LRRC28: variants seen among roughly 807,000 people sequenced by gnomAD.
The protein encoded by LRRC28 is leucine rich repeat containing 28.
LRRC28 carries 39 observed loss-of-function variants against 45.7 expected under a neutral mutation model. The ratio of observed to expected loss-of-function variants is 0.85; its 90% CI spans 0.66 to 1.12. The LOEUF (loss-of-function observed/expected upper bound fraction) is 1.12, where lower values mean the gene tolerates loss of function less well. Among genes scored for constraint, LRRC28 ranks in the 50% most tolerant of loss-of-function variants. The probability of loss-of-function intolerance (pLI) is 0.00; values close to 1 mark genes in which losing one functional copy is unlikely to be tolerated. For missense variants in LRRC28, 435 were observed against 438.5 expected, an observed-to-expected ratio of 0.99 and a Z score of 0.07; for synonymous variants, 206 against 178.8, an observed-to-expected ratio of 1.15 and a Z score of -1.22.
intron 5 of LRRC28, among the ~76,000 whole-genome samples, chr15:99,289,903 G>A (rs1197034918): frequency 6.4e-5 from 8 of 124,194 alleles, no homozygotes; most frequent in South Asian, 2.8e-4. Context: ...ACTGCAGTCC[G>A]CAGTCCGGCC....
At chr15:99,259,601 A>T in intron 2 of LRRC28, 1 of 1,496,396 alleles carries the variant, frequency 6.7e-7, no homozygotes, top group East Asian at 2.3e-5. Flanking sequence ...GAGAATCATG[A>T]AAGCACAAGC....
At chr15:99,353,863 A>G (rs1289904288) in intron 7 of LRRC28, 2 of 152,210 alleles carry the variant, frequency 1.3e-5, no homozygotes, top group Admixed American at 1.3e-4. Context: ...TGACTACTAG[A>G]AAGTTCTGTT....
In LRRC28 at chr15:99,287,690, A is replaced by G. The variant is rs529033145; in HGVS notation, c.248-124A>G. On this transcript the variant is annotated intron_variant, in intron 4 of 9. Transcript: ENST00000301981. ...ACTTAGTTTGATCTGTGTTTTTACTATTTTGTGAGCAACTGAGACAAGGAA... is the reference window on the plus strand; with the variant it reads ...ACTTAGTTTGATCTGTGTTTTTACTGTTTTGTGAGCAACTGAGACAAGGAA... 5.9e-6 allele frequency: 6 copies of G among 1,024,506 alleles called. No homozygotes were observed. The African/African-American group carries it at 6.5e-5, about 11-fold the overall frequency. The allele number at this position is 1,024,506 out of a possible 1,614,324, so 63.5% of individuals were successfully genotyped here.
chr15:99,289,939 C>CA (rs398028517), intron 5 of LRRC28, among the ~76,000 whole-genome samples: 27,623 of 49,648 alleles, frequency 0.56, 8,109 homozygotes, highest in African/African-American at 0.58. Flanking sequence ...GACTCCGTCT[C>CA]AAAAAAAAAA....
chr15:99,292,986 C>A (rs2082165943), intron 5 of LRRC28, among the ~76,000 whole-genome samples: 1 of 152,212 alleles, frequency 6.6e-6, no homozygotes. Flanking sequence ...TTCTTCCCAA[C>A]TGACTTTCAC....
chr15:99,304,236 G>A (rs1466832574), intron 5 of LRRC28, among the ~76,000 whole-genome samples: 2 of 152,168 alleles, frequency 1.3e-5, no homozygotes, highest in Non-Finnish European at 2.9e-5. Context: ...TACATAAATA[G>A]CCCTTTACAG....
chr15:99,259,263 A>C, intron 2 of LRRC28: 1 of 1,059,830 alleles, frequency 9.4e-7, no homozygotes, highest in Admixed American at 1.7e-5. Flanking sequence ...AAAGAGGCTG[A>C]ATCTTCTCCA....
At chr15:99,331,666 A>G (rs1283552910) in intron 5 of LRRC28, among the ~76,000 whole-genome samples, 1 of 151,910 alleles carries the variant, frequency 6.6e-6, no homozygotes, top group Non-Finnish European at 1.5e-5. Context: ...ATTTATTATC[A>G]TTCCTGTCTC....
rs530661964 is a variant in LRRC28 at position 99,389,300 on chromosome 15, A to G, written c.*3198A>G. On this transcript the variant is annotated 3_prime_UTR_variant, in exon 10 of 10. Transcript: ENST00000301981. ...TAAAATCTTTACAGTCTAGGGGGAA[A>G]AAAAGGCTTCAATACCAGTTGGCTT... 2.6e-5 allele frequency: 4 copies of G among 152,344 alleles called. No homozygotes were observed. The highest frequency in any genetic ancestry group is 2.1e-4 in the South Asian group (1 of 4,828). The allele number at this position is 152,344 out of a possible 1,614,324, so 9.4% of individuals were successfully genotyped here.
rs766338889 is a variant in LRRC28, at chr15:99,282,177, G to GTTTTTTTTTTTTTTTTTTTTTTTTTTTTT, written c.210-5066_210-5065insTTTTTTTTTTTTTTTTTTTTTTTTTTTTT. On this transcript the variant is annotated intron_variant, in intron 3 of 9. Transcript: ENST00000301981. ...GGATTCCTTATGCAAATTTTTGGAG[G>GTTTTTTTTTTTTTTTTTTTTTTTTTTTTT]TTTTTTTTTTTTTTGTAGCAGTAGC... Among the ~76,000 whole-genome samples, 111 of 98,028 alleles carry GTTTTTTTTTTTTTTTTTTTTTTTTTTTTT rather than the reference G, an allele frequency of 1.1e-3. 18 individuals carry two copies. Among genetic ancestry groups the GTTTTTTTTTTTTTTTTTTTTTTTTTTTTT allele is most frequent in the African/African-American group, 1.6e-3 (33 of 20,774 alleles). The allele number at this position is 98,028 out of a possible 152,430, so 64.3% of individuals were successfully genotyped here.
Position 99,287,917 on chromosome 15 carries a change from A to G in LRRC28, c.351A>G (p.Arg117=). Residue 117 remains arginine (R), a synonymous_variant, in exon 5 of 10, where the codon CGA becomes CGG. Coordinates refer to ENST00000301981, the MANE Select transcript of LRRC28 (RefSeq NM_144598.5). ...GTCTGAGAGCTTTACGTCATCTTCG[A>G]TTAGCTAATAACCAACTGCAATTCC... is the stretch of plus-strand genomic sequence containing the variant. The part of the protein sequence containing the change: ...IGRLRALRHL[R]LANNQLQFLP... 4 of 1,613,824 alleles carry G rather than the reference A, an allele frequency of 2.5e-6. No homozygotes were observed. Among genetic ancestry groups the G allele is most frequent in the Non-Finnish European group, 3.4e-6 (4 of 1,179,842 alleles).
At position 99,287,814 on chromosome 15, in the gene LRRC28, C is replaced by G; in HGVS notation, c.248C>G (p.Ala83Gly). 1.9e-6 allele frequency: 3 copies of G among 1,601,248 alleles called. No individual in the cohort carries two copies. In the South Asian group the frequency reaches 3.4e-5, roughly 18 times the overall value. ...HSNNIVVVPE[A>G]IGSLVKLQCL... The stretch of plus-strand genomic sequence containing the variant: ...TTGCCTTCTCCTTTTCTCTTTGAAG[C>G]CATTGGGTCTCTTGTAAAACTCCAA... The change falls in exon 5 of 10, where the codon GCC (alanine) becomes GGC (glycine). Residue 83 changes from alanine to glycine, a missense_variant and splice_region_variant. Ala to Gly is a moderately conservative substitution (Grantham distance 60). Transcript: ENST00000301981.
chr15:99,288,525 G>T (rs1187160868), intron 5 of LRRC28, among the ~76,000 whole-genome samples: 1 of 151,902 alleles, frequency 6.6e-6, no homozygotes, highest in African/African-American at 2.4e-5. Context: ...GAGATTACAG[G>T]CGCGTGCCAC....
At chr15:99,269,832 C>T (rs2081427478) in intron 2 of LRRC28, among the ~76,000 whole-genome samples, 1 of 152,186 alleles carries the variant, frequency 6.6e-6, no homozygotes, top group Non-Finnish European at 1.5e-5. Context: ...ATGTTTCCAT[C>T]ATGGCAGAGA....
chr15:99,288,622 C>T (rs894766179), intron 5 of LRRC28, among the ~76,000 whole-genome samples: 3 of 152,024 alleles, frequency 2.0e-5, no homozygotes, highest in African/African-American at 7.2e-5. Flanking sequence ...CCTTGTGATC[C>T]ACCTGCCTTG....
At chr15:99,358,925 A>G (rs533212914) in intron 7 of LRRC28, among the ~76,000 whole-genome samples, 1 of 152,160 alleles carries the variant, frequency 6.6e-6, no homozygotes, top group Admixed American at 6.5e-5. Flanking sequence ...TACAAATACA[A>G]ACTAACCGGA....
intron 5 of LRRC28, among the ~76,000 whole-genome samples, chr15:99,310,750 T>C (rs745762241): frequency 1.3e-5 from 2 of 152,208 alleles, no homozygotes; most frequent in Non-Finnish European, 2.9e-5. Flanking sequence ...TTAAGAATCA[T>C]ATCCTTCCAT....
chr15:99,364,343 C>T (rs996149031), intron 9 of LRRC28, among the ~76,000 whole-genome samples: 7 of 152,232 alleles, frequency 4.6e-5, no homozygotes, highest in African/African-American at 1.7e-4. Context: ...CATAGCTCTA[C>T]TCACGCCATC....
chr15:99,303,040 A>G (rs960469294), intron 5 of LRRC28, among the ~76,000 whole-genome samples: 6 of 152,128 alleles, frequency 3.9e-5, no homozygotes, highest in African/African-American at 1.4e-4. Flanking sequence ...TGCTGGATGT[A>G]TTTTTAACTT....
Sources: gnomAD v4.1 joint callset for allele counts (sites outside exome capture counted in the v4.1 genomes callset) on GRCh38, gnomAD v4.1.1 for gene constraint, MANE v1.5 for transcripts, NCBI Gene and HGNC (gene_info 2026-07-23, HGNC 2026-07-21) for gene names.